The following PLCG2 variants were observed in gnomAD, a reference collection of about 807,000 sequenced individuals.
The protein encoded by PLCG2 is 1-phosphatidylinositol 4,5-bisphosphate phosphodiesterase gamma-2.
PLCG2 carries 69 observed loss-of-function variants against 175.6 expected under a neutral mutation model. The ratio of observed to expected loss-of-function variants is 0.39; its 90% CI spans 0.32 to 0.48. The LOEUF (loss-of-function observed/expected upper bound fraction) is 0.48. Ranked by LOEUF, PLCG2 falls within the 20% of genes least tolerant of loss-of-function variation. The pLI, the probability that PLCG2 is intolerant of heterozygous loss-of-function variation, is 0.91. For missense variants in PLCG2, 1,798 were observed against 1,650.9 expected (o/e 1.09, Z -1.54); for synonymous variants, 827 against 624.0 (o/e 1.33, Z -4.85).
chr16:81,872,251 C>T (rs1437345124), intron 7 of PLCG2, among the ~76,000 whole-genome samples: 2 of 152,152 alleles, frequency 1.3e-5, no homozygotes, highest in African/African-American at 4.8e-5. Context: ...TCACTTGAAC[C>T]TGGGAGGCGG....
At chr16:81,946,814 C>G (rs981342840) in intron 31 of PLCG2, among the ~76,000 whole-genome samples, 2 of 152,116 alleles carry the variant, frequency 1.3e-5, no homozygotes, top group Admixed American at 6.5e-5. Context: ...TTAGTGGGAT[C>G]AATTAATTTA....
At chr16:81,828,050 A>G (rs1274894203) in intron 2 of PLCG2, among the ~76,000 whole-genome samples, 1 of 142,424 alleles carries the variant, frequency 7.0e-6, no homozygotes, top group African/African-American at 2.6e-5. Flanking sequence ...AGATCATGCC[A>G]TTGCACTCCA....
At chr16:81,812,474 C>A (rs962665936) in intron 2 of PLCG2, among the ~76,000 whole-genome samples, 1 of 152,210 alleles carries the variant, frequency 6.6e-6, no homozygotes, top group African/African-American at 2.4e-5. Context: ...TTCTTGGCTG[C>A]ATAAATGTCT....
chr16:81,895,638 A>C (rs1009609136), intron 12 of PLCG2, 169 bp from the exon 13 acceptor site: 2 of 651,214 alleles, frequency 3.1e-6, no homozygotes, highest in East Asian at 2.8e-5. Context: ...ATGTAAGCGC[A>C]CAGGGAACCC....
chr16:81,779,152 C>G (rs868660396), upstream of PLCG2: 1 of 152,276 alleles, frequency 6.6e-6, no homozygotes. Context: ...GCGGGGAGGG[C>G]GCGGGGACGC....
At chr16:81,873,668 G>A (rs1907628345) in intron 7 of PLCG2, among the ~76,000 whole-genome samples, 1 of 152,044 alleles carries the variant, frequency 6.6e-6, no homozygotes, top group African/African-American at 2.4e-5. Flanking sequence ...AGTAGCTCAC[G>A]CCTGTAATCC....
At chr16:81,776,480 C>T (rs1392985064), upstream of PLCG2, among the ~76,000 whole-genome samples, 2 of 152,126 alleles carry the variant, frequency 1.3e-5, no homozygotes, top group Non-Finnish European at 2.9e-5. Flanking sequence ...TCCTTCCCCA[C>T]CTATTATCCT....
At chr16:81,939,202 T>C (rs539748854) in intron 29 of PLCG2, among the ~76,000 whole-genome samples, 4 of 152,212 alleles carry the variant, frequency 2.6e-5, no homozygotes, top group African/African-American at 9.6e-5. Flanking sequence ...CCCAATCTGA[T>C]TAATCTCCTG....
intron 1 of PLCG2, among the ~76,000 whole-genome samples, chr16:81,744,813 G>A (rs747953750): frequency 4.6e-5 from 7 of 151,872 alleles, no homozygotes; most frequent in South Asian, 4.2e-4. Context: ...CAATTCTTCC[G>A]CCTCAGCCTC....
At position 81,925,405 on chromosome 16, in the gene PLCG2, C is replaced by T. The variant is rs1054142105; in HGVS notation, c.2418-1677C>T. On this transcript the variant is annotated intron_variant, in intron 22 of 32. Transcript: ENST00000564138. ...CTGGACAGATGGTATATATGATCGCCGTAAATACAGCCAGCCCTTGCCAGA... is the reference window on the plus strand; with the variant it reads ...CTGGACAGATGGTATATATGATCGCTGTAAATACAGCCAGCCCTTGCCAGA... 8.5e-5 allele frequency among the ~76,000 whole-genome samples: 13 copies of T among 152,162 alleles called. No individual in the cohort carries two copies. In the East Asian group the frequency reaches 1.5e-3, roughly 18 times the overall value.
At chr16:81,952,437 C>T (rs2086303375) in intron 31 of PLCG2, among the ~76,000 whole-genome samples, 1 of 152,022 alleles carries the variant, frequency 6.6e-6, no homozygotes, top group Non-Finnish European at 1.5e-5. Flanking sequence ...GAAATCAGGG[C>T]TCCTTAGACA....
intron 2 of PLCG2, among the ~76,000 whole-genome samples, chr16:81,811,401 C>G (rs909876684): frequency 6.6e-6 from 1 of 152,130 alleles, no homozygotes; most frequent in African/African-American, 2.4e-5. Context: ...AAGGCCATTC[C>G]CAGTGTTAGT....
intron 14 of PLCG2, among the ~76,000 whole-genome samples, 174 bp downstream of exon 14, chr16:81,900,954 C>G (rs922993680): frequency 2.0e-5 from 3 of 152,190 alleles, no homozygotes; most frequent in African/African-American, 7.2e-5. Context: ...AGTCATTAAC[C>G]TTTGGGAGCC....
At chr16:81,939,251 T>C (rs1268888899) in intron 29 of PLCG2, among the ~76,000 whole-genome samples, 1 of 151,656 alleles carries the variant, frequency 6.6e-6, no homozygotes, top group Non-Finnish European at 1.5e-5. Context: ...AGAGAGGGGG[T>C]GAACCTACGT....
chr16:81,887,872 T>C (rs145749174), intron 9 of PLCG2, among the ~76,000 whole-genome samples: 170 of 152,344 alleles, frequency 1.1e-3, no homozygotes, highest in African/African-American at 3.8e-3. Flanking sequence ...TATGCATTCT[T>C]TTTTTAAAGG....
intron 2 of PLCG2, among the ~76,000 whole-genome samples, chr16:81,804,964 C>G (rs529710466): frequency 1.3e-5 from 2 of 152,270 alleles, no homozygotes; most frequent in Non-Finnish European, 2.9e-5. Context: ...TTTGTAGTGT[C>G]TAGTCATTAC....
intron 2 of PLCG2, among the ~76,000 whole-genome samples, chr16:81,841,622 A>T (rs1410556476): frequency 1.3e-5 from 2 of 152,160 alleles, no homozygotes; most frequent in African/African-American, 4.8e-5. Context: ...TAGATGAGAA[A>T]ATAGACAGTA....
chr16:81,841,584 A>C (rs555917741), intron 2 of PLCG2, among the ~76,000 whole-genome samples: 1 of 152,010 alleles, frequency 6.6e-6, no homozygotes, highest in East Asian at 1.9e-4. Context: ...ATATATCTCT[A>C]TAGGGTGTAT....
chr16:81,822,095 T>TC (rs774531319), intron 2 of PLCG2, among the ~76,000 whole-genome samples: 199 of 152,328 alleles, frequency 1.3e-3, no homozygotes, highest in Middle Eastern at 3.4e-3. Context: ...GTCTTTTTTT[T>TC]CTTCCTTTTT....
Sources: allele counts gnomAD v4.1 joint callset (sites outside exome capture counted in the v4.1 genomes callset), GRCh38; gene constraint gnomAD v4.1.1; transcripts MANE v1.5; gene names NCBI Gene and HGNC (gene_info 2026-07-23, HGNC 2026-07-21).